The following ERVV-2 variants were observed in gnomAD, a reference collection of about 807,000 sequenced individuals.
ERVV-2 encodes the protein endogenous retrovirus group V member 2, envelope.
For synonymous variants in ERVV-2, 105 were observed against 184.6 expected (o/e 0.57, Z 3.49); for missense variants, 291 against 495.1 (o/e 0.59, Z 3.91).
Position 53,050,243 on chromosome 19 carries a change from C to A in ERVV-2, c.992C>A (p.Ala331Glu). The A allele has an allele frequency of 2.1e-6, 2 of 933,872 alleles. No individual in the cohort carries two copies. Among genetic ancestry groups the A allele is most frequent in the Non-Finnish European group, 3.3e-6 (2 of 603,552 alleles). 57.8% of individuals were successfully genotyped at this position (933,872 alleles called of 1,614,324 possible). Residue 331 changes from alanine to glutamate, a missense_variant, in exon 2 of 2, where the codon GCG becomes GAG. Physicochemically the swap from Ala to Glu is moderately radical, Grantham distance 107. Coordinates refer to ENST00000601417, the MANE Select transcript of ERVV-2 (RefSeq NM_001191055.2). ...ALGLILAGMG[A>E]AIGMIAPWGG... ...GGTCTAATACTGGCAGGGATGGGTGCGGCCATAGGAATGATCGCCCCATGG... is the reference window on the plus strand; with the variant it reads ...GGTCTAATACTGGCAGGGATGGGTGAGGCCATAGGAATGATCGCCCCATGG...
rs777854362 is a variant in ERVV-2, at chr19:53,051,393, G to A, written c.*534G>A. Among the ~76,000 whole-genome samples the A allele has an allele frequency of 9.2e-5, 14 of 151,874 alleles. No individual in the cohort carries two copies. The highest frequency in any genetic ancestry group is 1.3e-4 in the Non-Finnish European group (9 of 67,978). On this transcript the variant is annotated 3_prime_UTR_variant, in exon 2 of 2. Coordinates refer to ENST00000601417, the MANE Select transcript of ERVV-2 (RefSeq NM_001191055.2). ...ACTCCTGACTTCAGGTGATTCGCTC[G>A]CCTCGGCCTCCTAAAGTGCTGGGAT...
Position 53,050,712 on chromosome 19 carries a change from T to C in ERVV-2, c.1461T>C (p.Ser487=). ...ATTTACTGATTAAGTGTGTCTCTTCTAGGATAAAGCAATTTCACATGAAGT... is the reference window on the plus strand; with the variant it reads ...ATTTACTGATTAAGTGTGTCTCTTCCAGGATAAAGCAATTTCACATGAAGT... ...FFNLLIKCVS[S]RIKQFHMKSP... The change falls in exon 2 of 2, where the codon TCT becomes TCC. Residue 487 remains serine, a synonymous_variant. Transcript: ENST00000601417. 1 of 1,535,578 alleles carries C rather than the reference T, an allele frequency of 6.5e-7. No individual in the cohort carries two copies. Among genetic ancestry groups the C allele is most frequent in the Non-Finnish European group, 8.7e-7 (1 of 1,146,444 alleles).
rs2083908963 is a variant in ERVV-2, at chr19:53,050,645, C to T, written c.1394C>T (p.Thr465Ile). Residue 465 changes from threonine to isoleucine, a missense_variant, in exon 2 of 2, where the codon ACA (threonine) becomes ATA (isoleucine). Physicochemically the swap from Thr to Ile is moderately conservative, Grantham distance 89. Coordinates refer to ENST00000601417, the MANE Select transcript of ERVV-2 (RefSeq NM_001191055.2). Reference sequence around the variant, plus strand: ...TTTGTCCCTTTACTGGGACCAGCAACAGTTATACTCTTACTTTTCCTCTTT... The same window carrying T: ...TTTGTCCCTTTACTGGGACCAGCAATAGTTATACTCTTACTTTTCCTCTTT... The part of the protein sequence containing the change: ...NWFVPLLGPA[T>I]VILLLFLFGP... The T allele has an allele frequency of 7.1e-7, 1 of 1,413,110 alleles. No individual in the cohort carries two copies. The highest frequency in any genetic ancestry group is 2.5e-5 in the East Asian group (1 of 40,348). The allele number at this position is 1,413,110 out of a possible 1,614,324, so 87.5% of individuals were successfully genotyped here. A position where few individuals can be genotyped will look rare whatever the true frequency, so the allele number is the denominator to read the frequency against.
At chr19:53,048,123 C>A (rs1358495687) in intron 1 of ERVV-2, among the ~76,000 whole-genome samples, 1 of 152,116 alleles carries the variant, frequency 6.6e-6, no homozygotes, top group African/African-American at 2.4e-5. Context: ...GGGCTGATCA[C>A]CTGTCAGGTA....
rs185158620 is a variant in ERVV-2, at chr19:53,046,885, C to T, written c.-386+1927C>T. On this transcript the variant is annotated intron_variant, in intron 1 of 1. Transcript: ENST00000601417. ...TGATCAACATGGAGAAACCCCGTAT[C>T]GGCTGGGCACGGTGGCTGATGCCTA... Among the ~76,000 whole-genome samples the T allele has an allele frequency of 5.3e-5, 8 of 152,164 alleles. No individual in the cohort carries two copies. In the East Asian group the frequency reaches 9.7e-4, roughly 18 times the overall value.
rs1264897554 is a variant in ERVV-2 at position 53,051,542 on chromosome 19, T to C, written c.*683T>C. Among the ~76,000 whole-genome samples, 2 of 152,218 alleles carry C rather than the reference T, an allele frequency of 1.3e-5. No individual in the cohort carries two copies. The highest frequency in any genetic ancestry group is 1.3e-4 in the Admixed American group (2 of 15,276). ...ATTAGTAGGAGTAGACACGTCCTTTTGATCAGCCCGCCCTGTTCTGTCTTT... is the reference window on the plus strand; with the variant it reads ...ATTAGTAGGAGTAGACACGTCCTTTCGATCAGCCCGCCCTGTTCTGTCTTT... On this transcript the variant is annotated 3_prime_UTR_variant, in exon 2 of 2. Transcript: ENST00000601417.
intron 1 of ERVV-2, among the ~76,000 whole-genome samples, chr19:53,047,246 G>T (rs2083894768): frequency 6.6e-6 from 1 of 152,134 alleles, no homozygotes; most frequent in East Asian, 1.9e-4. Context: ...TACTCAGGAG[G>T]CTGAGGCAGA....
At position 53,050,771 on chromosome 19, in the gene ERVV-2, T is replaced by C. The variant is rs2083910155; in HGVS notation, c.1520T>C (p.Ile507Thr). ...PQMERYQLSVIGGPSTYKHIS... is the reference protein window; with the variant it reads ...PQMERYQLSVTGGPSTYKHIS... ...ATGGAAAGATATCAGCTATCTGTCA[T>C]TGGAGGCCCCAGCACCTATAAGCAC... Residue 507 changes from isoleucine (I) to threonine (T), a missense_variant, in exon 2 of 2, where the codon ATT becomes ACT. By Grantham distance (89) the Ile-to-Thr change is moderately conservative. Transcript: ENST00000601417. 2.6e-6 allele frequency: 4 copies of C among 1,536,144 alleles called. No individual in the cohort carries two copies. The highest frequency in any genetic ancestry group is 3.5e-6 in the Non-Finnish European group (4 of 1,146,904).
intron 1 of ERVV-2, among the ~76,000 whole-genome samples, chr19:53,048,111 G>A (rs1029980510): frequency 5.3e-5 from 8 of 152,158 alleles, no homozygotes; most frequent in Non-Finnish European, 1.2e-4. Context: ...GGAGGCCAAG[G>A]TGGGCTGATC....
In ERVV-2 at chr19:53,050,692, C is replaced by T; in HGVS notation, c.1441C>T (p.Leu481=). The T allele has an allele frequency of 3.3e-6, 5 of 1,527,808 alleles. No homozygotes were observed. Among genetic ancestry groups the T allele is most frequent in the Non-Finnish European group, 3.5e-6 (4 of 1,139,396 alleles). The allele number at this position is 1,527,808 out of a possible 1,614,324, so 94.6% of individuals were successfully genotyped here. A position where few individuals can be genotyped will look rare whatever the true frequency, so the allele number is the denominator to read the frequency against. Residue 481 remains leucine (L), a synonymous_variant, in exon 2 of 2, where the codon CTG becomes TTG. Coordinates refer to ENST00000601417, the MANE Select transcript of ERVV-2 (RefSeq NM_001191055.2). ...CTTTGGCCCTTGTTTCTTTAATTTACTGATTAAGTGTGTCTCTTCTAGGAT... is the reference window on the plus strand; with the variant it reads ...CTTTGGCCCTTGTTTCTTTAATTTATTGATTAAGTGTGTCTCTTCTAGGAT... ...FLFGPCFFNL[L]IKCVSSRIKQ...
At chr19:53,048,161 C>G (rs1487130073) in intron 1 of ERVV-2, among the ~76,000 whole-genome samples, 1 of 152,056 alleles carries the variant, frequency 6.6e-6, no homozygotes, top group Admixed American at 6.6e-5. Context: ...CCAGGCTGGT[C>G]AGGAGTTTGA....
chr19:53,045,761 C>G (rs1281750787), intron 1 of ERVV-2, among the ~76,000 whole-genome samples: 3 of 152,168 alleles, frequency 2.0e-5, no homozygotes, highest in Non-Finnish European at 4.4e-5. Context: ...GCAGGGATTT[C>G]ATGAATTCTT....
Position 53,050,601 on chromosome 19 carries a change from C to A in ERVV-2, c.1350C>A (p.Ala450=). ...ARAIWEAVKS[A]LPSLNWFVPL... ...CCATCTGGGAGGCTGTGAAGTCTGCCCTCCCCTCCCTCAACTGGTTTGTCC... is the reference window on the plus strand; with the variant it reads ...CCATCTGGGAGGCTGTGAAGTCTGCACTCCCCTCCCTCAACTGGTTTGTCC... The change falls in exon 2 of 2, where the codon GCC becomes GCA. Residue 450 remains alanine, a synonymous_variant. Coordinates refer to ENST00000601417, the MANE Select transcript of ERVV-2 (RefSeq NM_001191055.2). 1 of 1,051,192 alleles carries A rather than the reference C, an allele frequency of 9.5e-7. No individual in the cohort carries two copies. The highest frequency in any genetic ancestry group is 1.4e-6 in the Non-Finnish European group (1 of 704,306). 65.1% of individuals were successfully genotyped at this position (1,051,192 alleles called of 1,614,324 possible).
Position 53,050,647 on chromosome 19 carries a change from G to T in ERVV-2, c.1396G>T (p.Val466Phe). The T allele has an allele frequency of 7.0e-7, 1 of 1,435,668 alleles. No homozygotes were observed. The highest frequency in any genetic ancestry group is 9.5e-7 in the Non-Finnish European group (1 of 1,055,698). The allele number at this position is 1,435,668 out of a possible 1,614,324, so 88.9% of individuals were successfully genotyped here. A position where few individuals can be genotyped will look rare whatever the true frequency, so the allele number is the denominator to read the frequency against. Residue 466 changes from valine to phenylalanine, a missense_variant, in exon 2 of 2, where the codon GTT becomes TTT. Val to Phe is a conservative substitution (Grantham distance 50, BLOSUM62 -1). Transcript: ENST00000601417. ...TGTCCCTTTACTGGGACCAGCAACAGTTATACTCTTACTTTTCCTCTTTGG... is the reference window on the plus strand; with the variant it reads ...TGTCCCTTTACTGGGACCAGCAACATTTATACTCTTACTTTTCCTCTTTGG... ...WFVPLLGPATVILLLFLFGPC... is the reference protein window; with the variant it reads ...WFVPLLGPATFILLLFLFGPC...
intron 1 of ERVV-2, among the ~76,000 whole-genome samples, chr19:53,045,729 C>T (rs1472842854): frequency 6.6e-6 from 1 of 152,198 alleles, no homozygotes; most frequent in African/African-American, 2.4e-5. Flanking sequence ...TCTGCTTACT[C>T]TTTGCTGTCC....
chr19:53,048,927 G>T lies in ERVV-2; in HGVS notation c.-325G>T, dbSNP rs1443550919. 4 of 495,242 alleles carry T rather than the reference G, an allele frequency of 8.1e-6. No homozygotes were observed. Among genetic ancestry groups the T allele is most frequent in the Non-Finnish European group, 1.4e-5 (4 of 276,962 alleles). 30.7% of individuals were successfully genotyped at this position (495,242 alleles called of 1,614,324 possible). On this transcript the variant is annotated 5_prime_UTR_variant, in exon 2 of 2. Transcript: ENST00000601417. ...CAGTCTCAAGTGAAACTGTGGGAAG[G>T]TCCCGAAGAACCACAGAAGAACAAC...
At position 53,051,008 on chromosome 19, in the gene ERVV-2, G is replaced by A; in HGVS notation, c.*149G>A. 1.6e-6 allele frequency: 1 copy of A among 636,090 alleles called. No homozygotes were observed. The highest frequency in any genetic ancestry group is 2.5e-6 in the Non-Finnish European group (1 of 399,226). 39.4% of individuals were successfully genotyped at this position (636,090 alleles called of 1,614,324 possible). ...AATATTAGGGTAGGCAGGTAGGCAGGCATGAGCAGGCAAGAGAGCCCTTGG... is the reference window on the plus strand; with the variant it reads ...AATATTAGGGTAGGCAGGTAGGCAGACATGAGCAGGCAAGAGAGCCCTTGG... On this transcript the variant is annotated 3_prime_UTR_variant, in exon 2 of 2. Coordinates refer to ENST00000601417, the MANE Select transcript of ERVV-2 (RefSeq NM_001191055.2).
intron 1 of ERVV-2, among the ~76,000 whole-genome samples, chr19:53,047,779 T>C (rs979621565): frequency 6.6e-6 from 1 of 152,172 alleles, no homozygotes; most frequent in Non-Finnish European, 1.5e-5. Context: ...GGTAATCAGA[T>C]CTTTATATCC....
In ERVV-2 at chr19:53,050,780, C is replaced by G. The variant is rs2083910215; in HGVS notation, c.1529C>G (p.Pro510Arg). 2.6e-6 allele frequency: 4 copies of G among 1,536,110 alleles called. No homozygotes were observed. In the East Asian group the frequency reaches 9.8e-5, roughly 38 times the overall value. ...ERYQLSVIGG[P>R]STYKHISPLD... Reference sequence around the variant, plus strand: ...TATCAGCTATCTGTCATTGGAGGCCCCAGCACCTATAAGCACATCTCCCCC... The same window carrying G: ...TATCAGCTATCTGTCATTGGAGGCCGCAGCACCTATAAGCACATCTCCCCC... Residue 510 changes from proline (P) to arginine (R), a missense_variant, in exon 2 of 2, where the codon CCC becomes CGC. Physicochemically the swap from Pro to Arg is moderately radical, Grantham distance 103. Transcript: ENST00000601417.
Sources: allele counts gnomAD v4.1 joint callset (sites outside exome capture counted in the v4.1 genomes callset), GRCh38; gene constraint gnomAD v4.1.1; transcripts MANE v1.5; gene names NCBI Gene and HGNC (gene_info 2026-07-23, HGNC 2026-07-21).